BTG4: variants seen among roughly 807,000 people sequenced by gnomAD.
BTG4 encodes the protein BTG anti-proliferation factor 4, also known as protein BTG4.
BTG4 carries 10 observed loss-of-function variants against 19.3 expected under a neutral mutation model. The observed-to-expected ratio is 0.52, with a 90% CI of 0.32 to 0.88. The LOEUF (loss-of-function observed/expected upper bound fraction) is 0.88, where lower values mean the gene tolerates loss of function less well. Among genes scored for constraint, BTG4 ranks in the 40% least tolerant of loss-of-function variants. The pLI, the probability that BTG4 is intolerant of heterozygous loss-of-function variation, is 0.04. For missense variants in BTG4, 238 were observed against 281.9 expected, an observed-to-expected ratio of 0.84 and a Z score of 1.11; for synonymous variants, 91 against 95.7, an observed-to-expected ratio of 0.95 and a Z score of 0.29.
chr11:111,419,452 C>T, the BTG4 span, among the ~76,000 whole-genome samples: 3 of 152,268 alleles, frequency 2.0e-5, no homozygotes, highest in Non-Finnish European at 2.9e-5. Context: ...GGCCTCCCCA[C>T]AGCACTGGTG....
intron 5 of BTG4, among the ~76,000 whole-genome samples, chr11:111,485,690 C>A (rs1050463880): frequency 1.3e-5 from 2 of 151,922 alleles, no homozygotes; most frequent in African/African-American, 4.8e-5. Flanking sequence ...CCTTGAAGAA[C>A]TAGAAAAGCA....
At chr11:111,488,392 C>T (rs1865195461) in intron 5 of BTG4, among the ~76,000 whole-genome samples, 2 of 152,060 alleles carry the variant, frequency 1.3e-5, no homozygotes, top group African/African-American at 4.8e-5. Flanking sequence ...AACTGGATAT[C>T]CATACACGAA....
the BTG4 span, among the ~76,000 whole-genome samples, chr11:111,423,461 C>T: frequency 6.6e-6 from 1 of 152,188 alleles, no homozygotes; most frequent in East Asian, 1.9e-4. Flanking sequence ...TCCAAGGTCC[C>T]CACTGCACCG....
the BTG4 span, among the ~76,000 whole-genome samples, chr11:111,421,808 G>A: frequency 6.6e-6 from 1 of 152,086 alleles, no homozygotes; most frequent in African/African-American, 2.4e-5. Flanking sequence ...AGCTACTCAG[G>A]AGGCTGAGGC....
At chr11:111,494,356 A>G (rs143938147), downstream of BTG4, among the ~76,000 whole-genome samples, 20 of 152,310 alleles carry the variant, frequency 1.3e-4, 1 homozygote, top group African/African-American at 4.8e-4. Context: ...AGGTTGTGGG[A>G]ATTTTCTAAC....
At chr11:111,463,937 T>C (rs1257384292), downstream of BTG4, among the ~76,000 whole-genome samples, 1 of 152,166 alleles carries the variant, frequency 6.6e-6, no homozygotes, top group Non-Finnish European at 1.5e-5. Flanking sequence ...GCTCACAACA[T>C]GGCAGCTGGC....
At chr11:111,498,318 C>T (rs574717223) in intron 2 of BTG4, among the ~76,000 whole-genome samples, 183 bp from the exon 3 acceptor site, 2 of 152,264 alleles carry the variant, frequency 1.3e-5, no homozygotes, top group African/African-American at 4.8e-5. Flanking sequence ...TACAGTGGCT[C>T]AGAATGTATG....
At chr11:111,410,665 T>G in the BTG4 span, among the ~76,000 whole-genome samples, 1 of 152,200 alleles carries the variant, frequency 6.6e-6, no homozygotes, top group South Asian at 2.1e-4. Context: ...AGCTGTGAGA[T>G]GAAGTAGAAG....
downstream of BTG4, among the ~76,000 whole-genome samples, chr11:111,465,400 A>C (rs906107697): frequency 2.0e-5 from 3 of 152,192 alleles, no homozygotes; most frequent in Admixed American, 2.0e-4. Context: ...TTAGAGAAAA[A>C]ATGACAAAAG....
the BTG4 span, chr11:111,386,173 T>TA: frequency 6.6e-6 from 1 of 152,308 alleles, no homozygotes. Flanking sequence ...TTTTCATAAT[T>TA]AATTTCCAAA....
At chr11:111,477,975 G>A (rs1204217861) in intron 5 of BTG4, among the ~76,000 whole-genome samples, 6 of 152,178 alleles carry the variant, frequency 3.9e-5, no homozygotes, top group Admixed American at 3.3e-4. Context: ...AGAGACGACC[G>A]AGCAGAGAAC....
At chr11:111,486,961 T>C (rs1378789472) in intron 5 of BTG4, among the ~76,000 whole-genome samples, 1 of 152,102 alleles carries the variant, frequency 6.6e-6, no homozygotes. Flanking sequence ...TTTATCCTGA[T>C]GCTCTCCCTC....
At chr11:111,458,721 A>T in the BTG4 span, among the ~76,000 whole-genome samples, 10 of 152,008 alleles carry the variant, frequency 6.6e-5, no homozygotes, top group Non-Finnish European at 1.5e-4. Context: ...GCCCTGATAC[A>T]AGGAAAGGCA....
chr11:111,418,276 C>T, the BTG4 span: 1 of 152,178 alleles, frequency 6.6e-6, no homozygotes, highest in African/African-American at 2.4e-5. Context: ...AGCCATTCGC[C>T]CAACACATTA....
At chr11:111,500,019 G>A (rs1261894339) in intron 1 of BTG4, among the ~76,000 whole-genome samples, 1 of 152,026 alleles carries the variant, frequency 6.6e-6, no homozygotes, top group Admixed American at 6.5e-5. Context: ...GCATGTACCT[G>A]TAGTCCCAGC....
chr11:111,437,993 T>C, the BTG4 span, among the ~76,000 whole-genome samples: 2 of 152,190 alleles, frequency 1.3e-5, no homozygotes, highest in African/African-American at 2.4e-5. Context: ...CTGACAGCTA[T>C]GACTCTGACT....
At chr11:111,410,333 G>A in the BTG4 span, among the ~76,000 whole-genome samples, 4 of 152,000 alleles carry the variant, frequency 2.6e-5, no homozygotes, top group African/African-American at 9.7e-5. Flanking sequence ...TCAAATTACT[G>A]GGCTCAAGCA....
intron 5 of BTG4, among the ~76,000 whole-genome samples, chr11:111,486,895 G>A (rs1865097327): frequency 6.6e-6 from 1 of 152,120 alleles, no homozygotes; most frequent in African/African-American, 2.4e-5. Flanking sequence ...TGCCATGGTG[G>A]TTTGCTGCAC....
the BTG4 span, chr11:111,415,896 T>C: frequency 4.0e-5 from 6 of 151,296 alleles, no homozygotes; most frequent in African/African-American, 1.5e-4. Flanking sequence ...GAAAAAAAAA[T>C]AGCTGGGTGC....
Sources: gnomAD v4.1 joint callset for allele counts (sites outside exome capture counted in the v4.1 genomes callset) on GRCh38, gnomAD v4.1.1 for gene constraint, MANE v1.5 for transcripts, NCBI Gene and HGNC (gene_info 2026-07-23, HGNC 2026-07-21) for gene names.